SYNDIG1: variants seen among roughly 807,000 people sequenced by gnomAD.
SYNDIG1 encodes synapse differentiation inducing 1.
SYNDIG1 carries 9 observed loss-of-function variants against 19.4 expected under a neutral mutation model. The ratio of observed to expected loss-of-function variants is 0.46; its 90% CI spans 0.28 to 0.81. The LOEUF is 0.81. SYNDIG1 is among the 30% of genes least tolerant of loss of function. The pLI, the probability that SYNDIG1 is intolerant of heterozygous loss-of-function variation, is 0.12. For missense variants in SYNDIG1, 311 were observed against 343.3 expected (o/e 0.91, Z 0.74); for synonymous variants, 141 against 145.9 (o/e 0.97, Z 0.24).
At chr20:24,641,687 C>T (rs971366608) in intron 3 of SYNDIG1, among the ~76,000 whole-genome samples, 3 of 152,056 alleles carry the variant, frequency 2.0e-5, no homozygotes, top group Admixed American at 1.3e-4. Flanking sequence ...TGAGCTGGGC[C>T]GGCCTATACC....
chr20:24,541,636 C>G (rs1049408286), intron 1 of SYNDIG1, among the ~76,000 whole-genome samples: 1 of 152,182 alleles, frequency 6.6e-6, no homozygotes, highest in Non-Finnish European at 1.5e-5. Context: ...GTGGTTGATG[C>G]AGCCCAGAAA....
intron 3 of SYNDIG1, among the ~76,000 whole-genome samples, chr20:24,633,990 A>G (rs977358787): frequency 6.6e-6 from 1 of 152,162 alleles, no homozygotes; most frequent in Non-Finnish European, 1.5e-5. Context: ...ACATAGACAC[A>G]TGTCTGGATT....
At chr20:24,624,413 A>G (rs1258590122) in intron 3 of SYNDIG1, among the ~76,000 whole-genome samples, 1 of 152,244 alleles carries the variant, frequency 6.6e-6, no homozygotes, top group Non-Finnish European at 1.5e-5. Context: ...TAATTTGAGA[A>G]AAAGCTGACT....
chr20:24,539,189 GC>G (rs2057419767), intron 1 of SYNDIG1, among the ~76,000 whole-genome samples: 1 of 152,136 alleles, frequency 6.6e-6, no homozygotes, highest in Non-Finnish European at 1.5e-5. Flanking sequence ...ATGTCATGAA[GC>G]TTTTGCCCTG....
intron 1 of SYNDIG1, among the ~76,000 whole-genome samples, chr20:24,500,530 C>CTTCT (rs1444608818): frequency 9.4e-6 from 1 of 106,080 alleles, no homozygotes; most frequent in Non-Finnish European, 1.9e-5. Flanking sequence ...TTCTTTCTTT[C>CTTCT]TTCTTTCTTT....
chr20:24,484,571 C>T (rs528544950), intron 1 of SYNDIG1, among the ~76,000 whole-genome samples: 2 of 152,190 alleles, frequency 1.3e-5, no homozygotes, highest in East Asian at 3.9e-4. Context: ...AGAGACCCCA[C>T]GTTTCACTGA....
rs532722489 is a variant in SYNDIG1 at position 24,519,476 on chromosome 20, G to A, written c.-78-23544G>A. On this transcript the variant is annotated intron_variant, in intron 1 of 3. Transcript: ENST00000376862. The stretch of plus-strand genomic sequence containing the variant: ...CTTAAGATCTCATGTTGCACCCTAA[G>A]GATTTTTAAATAGATCATTTATGAT... Among the ~76,000 whole-genome samples, 4 of 152,258 alleles carry A rather than the reference G, an allele frequency of 2.6e-5. No individual in the cohort carries two copies. In the East Asian group the frequency reaches 7.7e-4, roughly 29 times the overall value.
chr20:24,522,530 T>G (rs2057026921), intron 1 of SYNDIG1, among the ~76,000 whole-genome samples: 1 of 152,204 alleles, frequency 6.6e-6, no homozygotes, highest in Non-Finnish European at 1.5e-5. Flanking sequence ...TTCTCCCAAC[T>G]TCTTAGGGAT....
intron 1 of SYNDIG1, among the ~76,000 whole-genome samples, chr20:24,484,986 G>C (rs2055914945): frequency 6.6e-6 from 1 of 152,132 alleles, no homozygotes; most frequent in African/African-American, 2.4e-5. Flanking sequence ...GACTGGATTA[G>C]CGCTCCAGCC....
At chr20:24,592,909 T>C (rs2058535866) in intron 3 of SYNDIG1, among the ~76,000 whole-genome samples, 1 of 152,176 alleles carries the variant, frequency 6.6e-6, no homozygotes, top group African/African-American at 2.4e-5. Context: ...CACCCCTGTA[T>C]GGCCCCCAGT....
chr20:24,633,711 G>A (rs2059282485), intron 3 of SYNDIG1, among the ~76,000 whole-genome samples: 1 of 152,158 alleles, frequency 6.6e-6, no homozygotes, highest in Non-Finnish European at 1.5e-5. Flanking sequence ...GGAAGCTCTG[G>A]GGACGGGGCT....
At chr20:24,659,371 G>A (rs1405990336) in intron 3 of SYNDIG1, among the ~76,000 whole-genome samples, 1 of 152,222 alleles carries the variant, frequency 6.6e-6, no homozygotes, top group African/African-American at 2.4e-5. Context: ...TAGGGGGAAA[G>A]TCTGCCGTCC....
intron 3 of SYNDIG1, among the ~76,000 whole-genome samples, chr20:24,591,218 T>C (rs2058506316): frequency 1.3e-5 from 2 of 151,424 alleles, no homozygotes; most frequent in African/African-American, 4.9e-5. Context: ...ACAGACCCCA[T>C]GTATACAAAA....
chr20:24,567,574 G>A (rs2058070420), intron 2 of SYNDIG1, among the ~76,000 whole-genome samples: 1 of 152,192 alleles, frequency 6.6e-6, no homozygotes, highest in South Asian at 2.1e-4. Flanking sequence ...TGTGTGATGT[G>A]GAACAGAGCC....
chr20:24,593,809 T>C (rs1952326299), intron 3 of SYNDIG1, among the ~76,000 whole-genome samples: 2 of 152,214 alleles, frequency 1.3e-5, no homozygotes, highest in African/African-American at 4.8e-5. Context: ...TTTTTTCATA[T>C]GGTTGTTGGC....
At chr20:24,545,935 G>A (rs1405605278) in intron 2 of SYNDIG1, among the ~76,000 whole-genome samples, 1 of 152,214 alleles carries the variant, frequency 6.6e-6, no homozygotes, top group Non-Finnish European at 1.5e-5. Flanking sequence ...CGATGAAACA[G>A]CAAGTTGTTT....
chr20:24,608,744 C>G (rs754297991), intron 3 of SYNDIG1, among the ~76,000 whole-genome samples: 12 of 152,264 alleles, frequency 7.9e-5, no homozygotes, highest in Admixed American at 7.2e-4. Context: ...TCAGACCGCC[C>G]GATGGCCGTC....
chr20:24,566,775 A>G (rs2058050530), intron 2 of SYNDIG1, among the ~76,000 whole-genome samples: 1 of 152,320 alleles, frequency 6.6e-6, no homozygotes. Context: ...GTCAGGCTTC[A>G]GCCTGTGTGT....
chr20:24,541,012 T>G (rs1330373582), intron 1 of SYNDIG1, among the ~76,000 whole-genome samples: 1 of 152,218 alleles, frequency 6.6e-6, no homozygotes, highest in Non-Finnish European at 1.5e-5. Flanking sequence ...ACTGAAGCCA[T>G]TTTGTAGAAA....
Sources: allele counts gnomAD v4.1 joint callset (sites outside exome capture counted in the v4.1 genomes callset), GRCh38; gene constraint gnomAD v4.1.1; transcripts MANE v1.5; gene names NCBI Gene and HGNC (gene_info 2026-07-23, HGNC 2026-07-21).